CERKL: variants seen among roughly 807,000 people sequenced by gnomAD.
CERKL encodes CERK like autophagy regulator.
Under a neutral mutation model 63.4 loss-of-function variants are expected in CERKL, and 61 were observed. The ratio of observed to expected loss-of-function variants is 0.96; its 90% CI spans 0.78 to 1.19. The LOEUF is 1.19. CERKL is among the 50% of genes most tolerant of loss of function. CERKL has a pLI of 0.00. For synonymous variants in CERKL, 250 were observed against 230.5 expected (o/e 1.08, Z -0.77); for missense variants, 675 against 655.5 (o/e 1.03, Z -0.33).
intron 1 of CERKL, among the ~76,000 whole-genome samples, chr2:181,640,287 G>A (rs1265007691): frequency 2.0e-5 from 3 of 152,200 alleles, no homozygotes; most frequent in East Asian, 3.9e-4. Flanking sequence ...AGAGCATTTA[G>A]AGTCATGGCT....
intron 2 of CERKL, among the ~76,000 whole-genome samples, chr2:181,590,480 A>T (rs1461086844): frequency 1.3e-5 from 2 of 149,608 alleles, no homozygotes; most frequent in Admixed American, 6.6e-5. Flanking sequence ...TGAAAAAAAA[A>T]TCGTTATAAG....
At chr2:181,615,494 T>A (rs971085156) in intron 1 of CERKL, among the ~76,000 whole-genome samples, 2 of 152,242 alleles carry the variant, frequency 1.3e-5, no homozygotes, top group Non-Finnish European at 2.9e-5. Context: ...TGCTCACAGT[T>A]TCTGCACATG....
At chr2:181,647,089 T>A (rs115972169) in intron 1 of CERKL, among the ~76,000 whole-genome samples, 2,715 of 152,174 alleles carry the variant, frequency 0.018, 47 homozygotes, top group Middle Eastern at 0.034. Flanking sequence ...AGAAAGAAAG[T>A]GTAACAGATG....
intron 1 of CERKL, among the ~76,000 whole-genome samples, chr2:181,605,266 G>A (rs1685630834): frequency 6.6e-6 from 1 of 152,192 alleles, no homozygotes; most frequent in South Asian, 2.1e-4. Context: ...GGGGGTTCAG[G>A]AAGGCTAAGG....
chr2:181,627,711 A>G (rs1422642411), intron 1 of CERKL, among the ~76,000 whole-genome samples: 1 of 152,208 alleles, frequency 6.6e-6, no homozygotes. Context: ...GAGTTCAGCT[A>G]TAGAAATACA....
In CERKL at chr2:181,656,963, C is replaced by T. The variant is rs1455481500; in HGVS notation, c.44G>A (p.Gly15Asp). The change falls in exon 1 of 13, where the codon GGC (glycine) becomes GAC (aspartate). Residue 15 changes from glycine to aspartate, a missense_variant. Physicochemically the swap from Gly to Asp is moderately conservative, Grantham distance 94. Coordinates refer to ENST00000410087, the MANE Select transcript of CERKL (RefSeq NM_201548.5). ...RRRNRVSALE[G>D]GREEEAPPEA... ...CGGGGGCGCCTCTTCCTCCCGGCCG[C>T]CCTCCAGGGCACTCACCCGGTTCCT... 1 of 1,579,632 alleles carries T rather than the reference C, an allele frequency of 6.3e-7. No individual in the cohort carries two copies. Among genetic ancestry groups the T allele is most frequent in the Admixed American group, 1.7e-5 (1 of 58,838 alleles).
rs1233886087 is a variant in CERKL, at chr2:181,622,280, G to A, written c.239-18201C>T. ...CGCATGCTCTTTGCCCCCATGTTGG[G>A]CTGTGCCATGTGTCACACCGCATGG... On this transcript the variant is annotated intron_variant, in intron 1 of 12. Coordinates refer to ENST00000410087, the MANE Select transcript of CERKL (RefSeq NM_201548.5). Among the ~76,000 whole-genome samples the A allele has an allele frequency of 3.3e-5, 5 of 152,254 alleles. No individual in the cohort carries two copies. In the East Asian group the frequency reaches 9.6e-4, roughly 29 times the overall value.
At chr2:181,627,428 C>T (rs1020252676) in intron 1 of CERKL, among the ~76,000 whole-genome samples, 5 of 152,046 alleles carry the variant, frequency 3.3e-5, no homozygotes, top group African/African-American at 1.2e-4. Flanking sequence ...AAAAAATTAC[C>T]AGGAGTTGCC....
At chr2:181,541,568 C>A (rs574417173) in intron 11 of CERKL, among the ~76,000 whole-genome samples, 1 of 152,158 alleles carries the variant, frequency 6.6e-6, no homozygotes, top group South Asian at 2.1e-4. Flanking sequence ...GAGAAAGGCA[C>A]TGAAGAATTA....
chr2:181,579,144 C>T (rs569368418), intron 2 of CERKL, among the ~76,000 whole-genome samples: 1 of 152,038 alleles, frequency 6.6e-6, no homozygotes, highest in East Asian at 1.9e-4. Context: ...AATAATGGTA[C>T]TTTCTGGATA....
chr2:181,639,276 G>A (rs528308795), intron 1 of CERKL, among the ~76,000 whole-genome samples: 4 of 152,278 alleles, frequency 2.6e-5, no homozygotes, highest in Admixed American at 6.5e-5. Context: ...GAAGGGATGT[G>A]GGTAGAGTAT....
intron 1 of CERKL, among the ~76,000 whole-genome samples, chr2:181,623,813 T>C (rs7593271): frequency 0.025 from 3,851 of 152,288 alleles, 165 homozygotes; most frequent in African/African-American, 0.087. Flanking sequence ...GAACTGACAA[T>C]GAGAGTTGAG....
intron 1 of CERKL, among the ~76,000 whole-genome samples, chr2:181,626,737 C>T (rs1412841420): frequency 6.6e-6 from 1 of 152,154 alleles, no homozygotes; most frequent in African/African-American, 2.4e-5. Flanking sequence ...AGGAGAGATC[C>T]TTATACAAAT....
intron 3 of CERKL, among the ~76,000 whole-genome samples, chr2:181,568,907 G>A (rs1003776244): frequency 1.4e-4 from 21 of 147,366 alleles, no homozygotes; most frequent in African/African-American, 5.3e-4. Flanking sequence ...AAATTAGAGA[G>A]ATGCTGAAGT....
chr2:181,565,833 TTAA>T (rs1322788254), intron 4 of CERKL, among the ~76,000 whole-genome samples: 1 of 152,132 alleles, frequency 6.6e-6, no homozygotes, highest in Non-Finnish European at 1.5e-5. Flanking sequence ...TCCCAGTATT[TTAA>T]TAATTAGATT....
chr2:181,638,322 T>C (rs1362277071), intron 1 of CERKL, among the ~76,000 whole-genome samples: 1 of 152,154 alleles, frequency 6.6e-6, no homozygotes, highest in Admixed American at 6.6e-5. Flanking sequence ...ATGAGCTTGA[T>C]TCCATATCTC....
chr2:181,595,186 A>T (rs1256442471), intron 2 of CERKL, among the ~76,000 whole-genome samples: 1 of 151,796 alleles, frequency 6.6e-6, no homozygotes, highest in Non-Finnish European at 1.5e-5. Flanking sequence ...GTAATCTGTC[A>T]CAAATCAGTG....
chr2:181,558,508 G>C lies in CERKL; in HGVS notation c.820+58C>G. The C allele has an allele frequency of 6.4e-7, 1 of 1,574,626 alleles. No individual in the cohort carries two copies. Among genetic ancestry groups the C allele is most frequent in the African/African-American group, 1.3e-5 (1 of 74,178 alleles). On this transcript the variant is annotated intron_variant, in intron 5 of 12. Transcript: ENST00000410087. The surrounding 1 kb of genome is among the most constrained non-coding windows in gnomAD (Gnocchi z 4.2). ...TGTGTTGTGCTGTCTAGATTAGCAA[G>C]TAAGAAAGGAAAAGAGGGAGAAGGG...
In CERKL at chr2:181,547,827, T is replaced by G; in HGVS notation, c.1154A>C (p.Lys385Thr). 1.9e-6 allele frequency: 3 copies of G among 1,613,964 alleles called. No individual in the cohort carries two copies. Among genetic ancestry groups the G allele is most frequent in the Middle Eastern group, 3.3e-4 (2 of 6,062 alleles). Residue 385 changes from lysine to threonine, a missense_variant, in exon 9 of 13, where the codon AAA becomes ACA. Transcript: ENST00000410087. ...VQERRAQGSP[K>T]SDCNDQWQMI... is the part of the protein sequence containing the mutation. The stretch of plus-strand genomic sequence containing the variant: ...GGAGATACTTTTCGACTCACCAGAT[T>G]TGGGAGATCCCTGTGCCCTCCTAAA...
Sources: gnomAD v4.1 joint callset for allele counts (sites outside exome capture counted in the v4.1 genomes callset) on GRCh38, gnomAD v4.1.1 for gene constraint, Gnocchi (gnomAD v3.1) non-coding constraint, MANE v1.5 for transcripts, NCBI Gene and HGNC (gene_info 2026-07-23, HGNC 2026-07-21) for gene names.